Variants in FBXL2 observed in about 807,000 individuals in gnomAD.
The protein encoded by FBXL2 is F-box/LRR-repeat protein 2.
In FBXL2, 38 loss-of-function variants were observed where a neutral mutation model predicts 69.2. The ratio of observed to expected loss-of-function variants is 0.55; its 90% CI spans 0.42 to 0.72. The LOEUF (loss-of-function observed/expected upper bound fraction) is 0.72. Among genes scored for constraint, FBXL2 ranks in the 30% least tolerant of loss-of-function variants. FBXL2 has a pLI of 0.00. For missense variants in FBXL2, 354 were observed against 520.3 expected, an observed-to-expected ratio of 0.68 and a Z score of 3.11; for synonymous variants, 192 against 201.3, an observed-to-expected ratio of 0.95 and a Z score of 0.39.
At chr3:33,329,746 C>A (rs2039006829) in intron 2 of FBXL2, among the ~76,000 whole-genome samples, 1 of 152,188 alleles carries the variant, frequency 6.6e-6, no homozygotes, top group African/African-American at 2.4e-5. Context: ...AATCCCAGCA[C>A]TTTGGGAGGC....
chr3:33,360,128 T>C lies in FBXL2; in HGVS notation c.195+771T>C, dbSNP rs535257448. Among the ~76,000 whole-genome samples the C allele has an allele frequency of 5.3e-4, 81 of 152,368 alleles. 1 individual carries two copies. Among genetic ancestry groups the C allele is most frequent in the African/African-American group, 1.9e-3 (79 of 41,586 alleles). The stretch of plus-strand genomic sequence containing the variant: ...TATAAAACCTAATTGATTTCCAGTT[T>C]AGCAAACTTACAGTAGTGGAAATGC... On this transcript the variant is annotated intron_variant, in intron 4 of 14. Transcript: ENST00000484457.
intron 5 of FBXL2, among the ~76,000 whole-genome samples, chr3:33,371,467 G>A (rs1412962587): frequency 1.3e-5 from 2 of 151,716 alleles, no homozygotes; most frequent in Non-Finnish European, 2.9e-5. Flanking sequence ...CACTGCATCT[G>A]GCCGGTTTTC....
chr3:33,343,896 A>G (rs2040250100), intron 2 of FBXL2, among the ~76,000 whole-genome samples: 1 of 152,110 alleles, frequency 6.6e-6, no homozygotes, highest in African/African-American at 2.4e-5. Context: ...AGTGTTTTCC[A>G]GACATACTAG....
At chr3:33,396,680 T>C in intron 12 of FBXL2, 1 of 431,988 alleles carries the variant, frequency 2.3e-6, no homozygotes, top group Non-Finnish European at 4.4e-6. Flanking sequence ...ACAATTAGTT[T>C]ACATTTTTAA....
chr3:33,396,961 A>G, intron 12 of FBXL2: 4 of 1,232,192 alleles, frequency 3.2e-6, no homozygotes, highest in Non-Finnish European at 4.8e-6. Context: ...ACGCCAACCT[A>G]GCGTGGAAAC....
In FBXL2 at chr3:33,320,048, C is replaced by T. The variant is rs182539566; in HGVS notation, c.65+22323C>T. Among the ~76,000 whole-genome samples the T allele has an allele frequency of 3.9e-5, 6 of 152,170 alleles. No individual in the cohort carries two copies. The East Asian group carries it at 1.2e-3, about 29-fold the overall frequency. ...CAGTATTACAGATATACCCATTCTC[C>T]CTAGATCTATGGATTCAATGCAGTT... is the stretch of plus-strand genomic sequence containing the variant. On this transcript the variant is annotated intron_variant, in intron 2 of 14. Transcript: ENST00000484457.
intron 2 of FBXL2, among the ~76,000 whole-genome samples, chr3:33,316,683 A>G (rs2037726063): frequency 6.6e-6 from 1 of 152,140 alleles, no homozygotes. Context: ...GTCCTGTGGC[A>G]CTTGGCGGTT....
chr3:33,342,004 C>CT (rs538123970), intron 2 of FBXL2, among the ~76,000 whole-genome samples: 10,366 of 109,760 alleles, frequency 0.094, 1,328 homozygotes, highest in African/African-American at 0.24. Flanking sequence ...TTTTCTTTAT[C>CT]TTTTTTTTTT....
At chr3:33,300,546 T>A (rs980312449) in intron 2 of FBXL2, 1 of 152,238 alleles carries the variant, frequency 6.6e-6, no homozygotes, top group African/African-American at 2.4e-5. Flanking sequence ...ATTTAAAATA[T>A]TGCCACTACA....
chr3:33,327,627 T>C (rs1432607797), intron 2 of FBXL2, among the ~76,000 whole-genome samples: 2 of 151,998 alleles, frequency 1.3e-5, no homozygotes, highest in South Asian at 2.1e-4. Flanking sequence ...AAAGAAGATA[T>C]AGAAACCAAA....
At chr3:33,309,824 C>T (rs1452328890) in intron 2 of FBXL2, among the ~76,000 whole-genome samples, 1 of 152,104 alleles carries the variant, frequency 6.6e-6, no homozygotes, top group Non-Finnish European at 1.5e-5. Flanking sequence ...TTACATAAAA[C>T]ATCTTACAGT....
rs1027964830 is a variant in FBXL2, at chr3:33,350,439, T to C, written c.66-8528T>C. Among the ~76,000 whole-genome samples the C allele has an allele frequency of 7.2e-5, 11 of 151,726 alleles. 1 individual carries two copies. The South Asian group carries it at 2.1e-3, about 29-fold the overall frequency. ...ACCTACAGCTAACATCATAATTTTTTTTTTTTTTTTAAAGACAGAGTCCAG... is the reference window on the plus strand; with the variant it reads ...ACCTACAGCTAACATCATAATTTTTCTTTTTTTTTTAAAGACAGAGTCCAG... On this transcript the variant is annotated intron_variant, in intron 2 of 14. Transcript: ENST00000484457.
In FBXL2 at chr3:33,384,219, G is replaced by T; in HGVS notation, c.1164+18G>T. 1 of 1,610,644 alleles carries T rather than the reference G, an allele frequency of 6.2e-7. No individual in the cohort carries two copies. Among genetic ancestry groups the T allele is most frequent in the Non-Finnish European group, 8.5e-7 (1 of 1,177,776 alleles). ...GGATGCGGGTAGGTATGGGGCAGGG[G>T]AGTCAGTCACACCTGACATTTCTAA... On this transcript the variant is annotated intron_variant, in intron 14 of 14. Coordinates refer to ENST00000484457, the MANE Select transcript of FBXL2 (RefSeq NM_012157.5).
chr3:33,322,856 T>C (rs2038354643), intron 2 of FBXL2, among the ~76,000 whole-genome samples: 1 of 152,206 alleles, frequency 6.6e-6, no homozygotes, highest in Non-Finnish European at 1.5e-5. Context: ...ATTTGAAAGG[T>C]ATGATGAAGT....
At chr3:33,359,831 A>G (rs1559602020) in intron 4 of FBXL2, among the ~76,000 whole-genome samples, 1 of 152,210 alleles carries the variant, frequency 6.6e-6, no homozygotes, top group Non-Finnish European at 1.5e-5. Context: ...TATCTATAAA[A>G]TAAAGTAATA....
In FBXL2 at chr3:33,326,230, G is replaced by A. The variant is rs189766898; in HGVS notation, c.65+28505G>A. Reference sequence around the variant, plus strand: ...AAATACCTCATAGAGGCCAGGTGCAGTGGCTCACGCCTGTAATCCCAGCAC... The same window carrying A: ...AAATACCTCATAGAGGCCAGGTGCAATGGCTCACGCCTGTAATCCCAGCAC... On this transcript the variant is annotated intron_variant, in intron 2 of 14. Coordinates refer to ENST00000484457, the MANE Select transcript of FBXL2 (RefSeq NM_012157.5). Among the ~76,000 whole-genome samples, 3 of 152,298 alleles carry A rather than the reference G, an allele frequency of 2.0e-5. No homozygotes were observed. In the East Asian group the frequency reaches 5.8e-4, roughly 29 times the overall value.
At chr3:33,298,183 G>A (rs1312584922) in intron 2 of FBXL2, among the ~76,000 whole-genome samples, 2 of 152,028 alleles carry the variant, frequency 1.3e-5, no homozygotes, top group African/African-American at 2.4e-5. Flanking sequence ...CCCAAGTATT[G>A]GTATGTTTTT....
intron 2 of FBXL2, among the ~76,000 whole-genome samples, chr3:33,322,106 C>T (rs545238905): frequency 4.0e-5 from 5 of 124,364 alleles, no homozygotes; most frequent in Admixed American, 2.9e-4. Flanking sequence ...GAGACTGAGC[C>T]TCACTCTGTC....
downstream of FBXL2, among the ~76,000 whole-genome samples, chr3:33,405,755 T>G (rs1031365636): frequency 6.6e-6 from 1 of 152,116 alleles, no homozygotes; most frequent in Non-Finnish European, 1.5e-5. Flanking sequence ...GGCAAGACAC[T>G]GTCTCTAAAA....
Sources: gnomAD v4.1 joint callset for allele counts (sites outside exome capture counted in the v4.1 genomes callset) on GRCh38, gnomAD v4.1.1 for gene constraint, MANE v1.5 for transcripts, NCBI Gene and HGNC (gene_info 2026-07-23, HGNC 2026-07-21) for gene names.